The following MAP4K3 variants were observed in gnomAD, a reference collection of about 807,000 sequenced individuals.
The protein encoded by MAP4K3 is MAPK/ERK kinase kinase kinase 3.
Under a neutral mutation model 143.5 loss-of-function variants are expected in MAP4K3, and 94 were observed. The observed-to-expected ratio is 0.65, with a 90% CI of 0.55 to 0.78. The LOEUF (loss-of-function observed/expected upper bound fraction) is 0.78, where lower values mean the gene tolerates loss of function less well. Among genes scored for constraint, MAP4K3 ranks in the 30% least tolerant of loss-of-function variants. The probability of loss-of-function intolerance (pLI) is 0.00; values close to 1 mark genes in which losing one functional copy is unlikely to be tolerated. For missense variants in MAP4K3, 1,077 were observed against 1,068.1 expected, an observed-to-expected ratio of 1.01 and a Z score of -0.12; for synonymous variants, 416 against 347.2, an observed-to-expected ratio of 1.20 and a Z score of -2.20.
rs557221457 is a variant in MAP4K3 at position 39,417,410 on chromosome 2, G to A, written c.96+19482C>T. Among the ~76,000 whole-genome samples the A allele has an allele frequency of 2.8e-3, 428 of 152,082 alleles. 3 individuals are homozygous for A. Among genetic ancestry groups the A allele is most frequent in the Non-Finnish European group, 4.3e-3 (294 of 67,998 alleles). ...AATTTTTTGTATTTTTAGTAGAGAC[G>A]TGGTTTCACCGTGTTAGCCAGGATG... On this transcript the variant is annotated intron_variant, in intron 1 of 33. Coordinates refer to ENST00000263881, the MANE Select transcript of MAP4K3 (RefSeq NM_003618.4).
chr2:39,412,521 A>G (rs1224879932), intron 1 of MAP4K3, among the ~76,000 whole-genome samples: 1 of 44,328 alleles, frequency 2.3e-5, no homozygotes, highest in African/African-American at 7.8e-5. Flanking sequence ...TACCTAGATG[A>G]TATGATAGAA....
intron 12 of MAP4K3, among the ~76,000 whole-genome samples, chr2:39,322,004 C>A (rs1043989748): frequency 2.6e-5 from 4 of 151,912 alleles, no homozygotes; most frequent in Non-Finnish European, 4.4e-5. Context: ...ATATGTTGAA[C>A]GCTGGTCCCC....
intron 6 of MAP4K3, among the ~76,000 whole-genome samples, chr2:39,334,398 T>A (rs1021097452): frequency 2.0e-5 from 3 of 151,024 alleles, no homozygotes; most frequent in African/African-American, 7.3e-5. Context: ...TCAACCAACA[T>A]GAGGAAAAAA....
intron 4 of MAP4K3, among the ~76,000 whole-genome samples, chr2:39,342,409 C>T (rs1287965157): frequency 6.6e-6 from 1 of 152,100 alleles, no homozygotes; most frequent in African/African-American, 2.4e-5. Flanking sequence ...GGATTACAGG[C>T]ATGAGCCACT....
chr2:39,353,897 T>C (rs1665531082), intron 3 of MAP4K3, among the ~76,000 whole-genome samples: 1 of 152,204 alleles, frequency 6.6e-6, no homozygotes, highest in Non-Finnish European at 1.5e-5. Flanking sequence ...TATTATCATC[T>C]GTTTTATAGA....
At chr2:39,436,797 C>G in intron 1 of MAP4K3, 95 bp downstream of exon 1, 1 of 1,041,970 alleles carries the variant, frequency 9.6e-7, no homozygotes, top group Non-Finnish European at 1.4e-6. Flanking sequence ...CTGGCGCCAG[C>G]GTCTCCCGAG....
At chr2:39,310,671 C>A (rs1194648154) in intron 13 of MAP4K3, among the ~76,000 whole-genome samples, 1 of 152,112 alleles carries the variant, frequency 6.6e-6, no homozygotes, top group African/African-American at 2.4e-5. Flanking sequence ...TACTGTTTAC[C>A]ATAGTGGCTG....
chr2:39,366,982 T>C (rs765013816), intron 2 of MAP4K3, among the ~76,000 whole-genome samples: 1 of 152,238 alleles, frequency 6.6e-6, no homozygotes, highest in Non-Finnish European at 1.5e-5. Context: ...TATTGATTCC[T>C]ACTTATTTCA....
intron 1 of MAP4K3, among the ~76,000 whole-genome samples, chr2:39,410,428 T>C (rs928000218): frequency 1.3e-5 from 2 of 152,204 alleles, no homozygotes; most frequent in South Asian, 2.1e-4. Context: ...ATGAAGATCT[T>C]AGCATTTCTT....
chr2:39,426,048 G>A (rs1255517349), intron 1 of MAP4K3, among the ~76,000 whole-genome samples: 1 of 152,130 alleles, frequency 6.6e-6, no homozygotes, highest in African/African-American at 2.4e-5. Flanking sequence ...AAAAGGAAGA[G>A]ATAATCTGAT....
At chr2:39,262,724 T>C (rs1447982071) in intron 28 of MAP4K3, among the ~76,000 whole-genome samples, 1 of 152,196 alleles carries the variant, frequency 6.6e-6, no homozygotes, top group African/African-American at 2.4e-5. Flanking sequence ...TTTTTGTCTC[T>C]CTAGTAAATA....
intron 2 of MAP4K3, among the ~76,000 whole-genome samples, chr2:39,359,089 A>G (rs145642376): frequency 0.013 from 1,916 of 152,312 alleles, 16 homozygotes; most frequent in Middle Eastern, 0.054. Context: ...CCTTCTACCT[A>G]TGAGCCTGTA....
chr2:39,381,546 T>A (rs1388715984), intron 1 of MAP4K3, among the ~76,000 whole-genome samples: 1 of 152,140 alleles, frequency 6.6e-6, no homozygotes, highest in African/African-American at 2.4e-5. Context: ...AAGAAACCAT[T>A]TGCCTAACCC....
chr2:39,322,442 C>A (rs114205464), intron 12 of MAP4K3, among the ~76,000 whole-genome samples: 1 of 151,800 alleles, frequency 6.6e-6, no homozygotes. Context: ...ATATAGGAGA[C>A]GAAAACTGAA....
At chr2:39,292,944 T>C (rs1682110969) in intron 17 of MAP4K3, 118 bp from the exon 18 acceptor site, 1 of 816,256 alleles carries the variant, frequency 1.2e-6, no homozygotes, top group Non-Finnish European at 2.0e-6. Flanking sequence ...TGCATCTTTA[T>C]AGGATAGGAT....
intron 2 of MAP4K3, among the ~76,000 whole-genome samples, chr2:39,356,869 T>C (rs1665625196): frequency 6.6e-6 from 1 of 152,232 alleles, no homozygotes; most frequent in Non-Finnish European, 1.5e-5. Context: ...AATATAATTT[T>C]AGCACAAAGA....
At chr2:39,404,038 T>C (rs1449471316) in intron 1 of MAP4K3, among the ~76,000 whole-genome samples, 1 of 151,922 alleles carries the variant, frequency 6.6e-6, no homozygotes, top group Non-Finnish European at 1.5e-5. Context: ...CAGTATCTGC[T>C]GACTAAAGAG....
At chr2:39,281,618 G>C (rs758631106) in intron 22 of MAP4K3, among the ~76,000 whole-genome samples, 1 of 152,054 alleles carries the variant, frequency 6.6e-6, no homozygotes, top group Non-Finnish European at 1.5e-5. Context: ...TGTATAGCTG[G>C]AGTCTACCTG....
intron 3 of MAP4K3, among the ~76,000 whole-genome samples, chr2:39,346,301 C>G (rs1056415047): frequency 1.3e-5 from 2 of 152,190 alleles, no homozygotes; most frequent in African/African-American, 4.8e-5. Context: ...TGTAGTTAAT[C>G]AAAACCTCTG....
Sources: allele counts gnomAD v4.1 joint callset (sites outside exome capture counted in the v4.1 genomes callset), GRCh38; gene constraint gnomAD v4.1.1; transcripts MANE v1.5; gene names NCBI Gene and HGNC (gene_info 2026-07-23, HGNC 2026-07-21).